AP1S3: variants seen among roughly 807,000 people sequenced by gnomAD.
AP1S3 encodes adaptor related protein complex 1 subunit sigma 3.
AP1S3 carries 10 observed loss-of-function variants against 20.9 expected under a neutral mutation model. That is an observed-to-expected ratio of 0.48 (90% CI 0.29 to 0.81). The LOEUF is 0.81. AP1S3 is among the 30% of genes least tolerant of loss of function. The probability of loss-of-function intolerance (pLI) is 0.08; values close to 1 mark genes in which losing one functional copy is unlikely to be tolerated. For missense variants in AP1S3, 154 were observed against 183.8 expected (o/e 0.84, Z 0.94); for synonymous variants, 41 against 61.5 (o/e 0.67, Z 1.56).
rs202157374 is a variant in AP1S3 at position 223,775,944 on chromosome 2, A to G, written c.248T>C (p.Ile83Thr). 991 of 1,614,180 alleles carry G rather than the reference A, an allele frequency of 6.1e-4. 12 individuals are homozygous for G. In the South Asian group the frequency reaches 0.01, roughly 17 times the overall value. The change falls in exon 3 of 5, where the codon ATT (isoleucine) becomes ACT (threonine). Residue 83 changes from isoleucine (I) to threonine (T), a missense_variant. By Grantham distance (89) the Ile-to-Thr change is moderately conservative. Coordinates refer to ENST00000396654, the MANE Select transcript of AP1S3 (RefSeq NM_001039569.2). ...NQDNELLTLE[I>T]VHRYVELLDK... Reference sequence around the variant, plus strand: ...CAGCAGCTCCACGTAACGATGCACAATCTCTAGCGTCAAGAGCTCATTGTC... The same window carrying G: ...CAGCAGCTCCACGTAACGATGCACAGTCTCTAGCGTCAAGAGCTCATTGTC...
At chr2:223,834,003 G>A (rs1692340721) in intron 1 of AP1S3, among the ~76,000 whole-genome samples, 1 of 151,942 alleles carries the variant, frequency 6.6e-6, no homozygotes, top group African/African-American at 2.4e-5. Flanking sequence ...CCACCTCACG[G>A]GTTCAAGCGA....
chr2:223,782,638 A>G (rs1430727939), intron 1 of AP1S3, among the ~76,000 whole-genome samples: 3 of 152,234 alleles, frequency 2.0e-5, no homozygotes, highest in Non-Finnish European at 4.4e-5. Flanking sequence ...GTTTCATTCT[A>G]ACAACAAATT....
At chr2:223,835,780 C>T (rs1420184695) in intron 1 of AP1S3, among the ~76,000 whole-genome samples, 1 of 152,186 alleles carries the variant, frequency 6.6e-6, no homozygotes, top group African/African-American at 2.4e-5. Flanking sequence ...TAAAACTCCA[C>T]CACAGGTATT....
intron 4 of AP1S3, among the ~76,000 whole-genome samples, chr2:223,764,094 T>A (rs1308103744): frequency 6.6e-6 from 1 of 151,988 alleles, no homozygotes; most frequent in Non-Finnish European, 1.5e-5. Context: ...AATTTTTGTG[T>A]TGTTAGTAGA....
chr2:223,777,332 T>C (rs7574638), intron 2 of AP1S3, among the ~76,000 whole-genome samples: 44,916 of 152,116 alleles, frequency 0.3, 10,607 homozygotes, highest in African/African-American at 0.62. Context: ...GAGGTGGAAG[T>C]TGCAGTGAGC....
intron 1 of AP1S3, among the ~76,000 whole-genome samples, chr2:223,790,150 T>A (rs2106102349): frequency 1.3e-5 from 2 of 151,418 alleles, no homozygotes; most frequent in East Asian, 1.9e-4. Context: ...GATGTCTACA[T>A]CCAGCCAAAT....
At chr2:223,791,242 T>C (rs1015085699) in intron 1 of AP1S3, among the ~76,000 whole-genome samples, 1 of 152,026 alleles carries the variant, frequency 6.6e-6, no homozygotes, top group Non-Finnish European at 1.5e-5. Context: ...CAAAAACACA[T>C]CAGGACAATA....
intron 1 of AP1S3, among the ~76,000 whole-genome samples, chr2:223,821,884 A>T (rs1691994656): frequency 6.6e-6 from 1 of 152,112 alleles, no homozygotes; most frequent in South Asian, 2.1e-4. Flanking sequence ...ACAGACTGAG[A>T]GCCAGAAAGA....
At chr2:223,769,013 A>G (rs1476672717) in intron 3 of AP1S3, among the ~76,000 whole-genome samples, 1 of 152,234 alleles carries the variant, frequency 6.6e-6, no homozygotes, top group African/African-American at 2.4e-5. Context: ...AGTTAGGTCA[A>G]TAAACTAGCA....
At chr2:223,780,339 AGAGAGAGAGAGAGAGAGAGTGT>A (rs1559280808) in intron 1 of AP1S3, among the ~76,000 whole-genome samples, 25 of 124,538 alleles carry the variant, frequency 2.0e-4, no homozygotes, top group African/African-American at 7.8e-4. Context: ...AGAGAGAGAG[AGAGAGAGAGAGAGAGAGAGTGT>A]GTGTGTGTGT....
At position 223,833,241 on chromosome 2, in the gene AP1S3, AATACATACATAC is replaced by A. The variant is rs56906676; in HGVS notation, c.3+4195_3+4206del. Among the ~76,000 whole-genome samples, 473 of 148,550 alleles carry A rather than the reference AATACATACATAC, an allele frequency of 3.2e-3. 10 individuals carry two copies. In the East Asian group the frequency reaches 0.075, roughly 23 times the overall value. On this transcript the variant is annotated intron_variant, in intron 1 of 4. Coordinates refer to ENST00000396654, the MANE Select transcript of AP1S3 (RefSeq NM_001039569.2). ...CCCACAGCTATCTTGTTAAAGGCAA[AATACATACATAC>A]ATACATACATACATACATACATACA... is the stretch of plus-strand genomic sequence containing the variant.
chr2:223,800,708 AC>A (rs1691448538), intron 1 of AP1S3, among the ~76,000 whole-genome samples: 1 of 152,224 alleles, frequency 6.6e-6, no homozygotes, highest in Non-Finnish European at 1.5e-5. Context: ...AAGAACATTT[AC>A]AAAAAACTAC....
intron 4 of AP1S3, among the ~76,000 whole-genome samples, chr2:223,760,642 G>A (rs569290521): frequency 2.0e-5 from 3 of 151,410 alleles, no homozygotes; most frequent in African/African-American, 7.3e-5. Context: ...TGGTTTTATG[G>A]AATCTAGAGT....
chr2:223,812,408 G>A (rs1381190013), intron 1 of AP1S3, among the ~76,000 whole-genome samples: 1 of 152,144 alleles, frequency 6.6e-6, no homozygotes, highest in Non-Finnish European at 1.5e-5. Context: ...TTTTAGTAGA[G>A]ATGGGGTTTT....
At chr2:223,818,845 C>T (rs1279243903) in intron 1 of AP1S3, among the ~76,000 whole-genome samples, 4 of 152,068 alleles carry the variant, frequency 2.6e-5, no homozygotes, top group African/African-American at 4.8e-5. Context: ...TGAGCCACTG[C>T]ACCAGGCCAA....
chr2:223,762,270 T>A (rs941786159), intron 4 of AP1S3, among the ~76,000 whole-genome samples: 4 of 102,664 alleles, frequency 3.9e-5, no homozygotes, highest in Non-Finnish European at 7.1e-5. Context: ...GCCCAGCAAT[T>A]TTTTTTTTTT....
intron 1 of AP1S3, among the ~76,000 whole-genome samples, chr2:223,815,207 T>C (rs1452518920): frequency 6.6e-6 from 1 of 152,234 alleles, no homozygotes; most frequent in East Asian, 1.9e-4. Context: ...ATAAACCATG[T>C]TGGAAAAATC....
intron 1 of AP1S3, among the ~76,000 whole-genome samples, chr2:223,832,131 CTCTCTGTGTGTGTGTGTGTGTGTGTGTG>C (rs1692280628): frequency 8.7e-6 from 1 of 114,748 alleles, no homozygotes; most frequent in Admixed American, 9.2e-5. Context: ...AAGGAGTTTT[CTCTCTGTGTGTGTGTGTGTGTGTGTGTG>C]TGTGTGTGTG....
intron 1 of AP1S3, among the ~76,000 whole-genome samples, chr2:223,793,227 T>C (rs1691250003): frequency 6.6e-6 from 1 of 152,200 alleles, no homozygotes; most frequent in Non-Finnish European, 1.5e-5. Context: ...ACTGGGTATA[T>C]ACCCAAAGGA....
Sources: gnomAD v4.1 joint callset for allele counts (sites outside exome capture counted in the v4.1 genomes callset) on GRCh38, gnomAD v4.1.1 for gene constraint, MANE v1.5 for transcripts, NCBI Gene and HGNC (gene_info 2026-07-23, HGNC 2026-07-21) for gene names.